Variants in ATP2B3 observed in about 807,000 individuals in gnomAD.
ATP2B3 encodes the protein ATPase plasma membrane Ca2+ transporting 3.
A neutral mutation model predicts 70.8 loss-of-function variants in ATP2B3; 12 were observed. That is an observed-to-expected ratio of 0.17 (90% CI 0.11 to 0.27). ATP2B3 has a LOEUF of 0.27. Ranked by LOEUF, ATP2B3 falls within the 10% of genes least tolerant of loss-of-function variation. The probability of loss-of-function intolerance (pLI) is 1.00; values close to 1 mark genes in which losing one functional copy is unlikely to be tolerated. For synonymous variants in ATP2B3, 460 were observed against 497.8 expected (o/e 0.92, Z 1.01); for missense variants, 858 against 1,118.5 (o/e 0.77, Z 3.32).
At chrX:153,554,603 C>T (rs879988100) in intron 13 of ATP2B3, among the ~76,000 whole-genome samples, 2 of 112,626 alleles carry the variant, frequency 1.8e-5, no homozygotes, top group Admixed American at 9.3e-5. Flanking sequence ...TCCTGGGTGC[C>T]GGCAACAGGC....
Position 153,571,792 on chromosome X carries a change from G to A in ATP2B3, c.3342+6689G>A, listed in dbSNP as rs188839621. On this transcript the variant is annotated intron_variant, in intron 21 of 21. Transcript: ENST00000263519. ...GCCAGAAGGAGGGCAGCTGTCCCTT[G>A]CACACTGTGTGCTCCAGCAGAAGGT... Among the ~76,000 whole-genome samples, 873 of 112,680 alleles carry A rather than the reference G, an allele frequency of 7.7e-3. 12 individuals carry two copies. Among genetic ancestry groups the A allele is most frequent in the Admixed American group, 0.047 (502 of 10,716 alleles).
At chrX:153,552,649 C>T (rs2090474007) in intron 12 of ATP2B3, among the ~76,000 whole-genome samples, 1 of 112,721 alleles carries the variant, frequency 8.9e-6, no homozygotes, top group Non-Finnish European at 1.9e-5. Flanking sequence ...CCCTCCCGGT[C>T]TCTCAGCCTG....
chrX:153,558,143 C>T lies in ATP2B3; in HGVS notation c.2465C>T (p.Ala822Val). The T allele has an allele frequency of 8.3e-7, 1 of 1,210,826 alleles. No homozygotes were observed. The highest frequency in any genetic ancestry group is 1.1e-6 in the Non-Finnish European group (1 of 895,120). ...GCAGGGACCGACGTGGCCAAGGAGG[C>T]CTCCGACATCATCCTGACCGATGAC... ...GIAGTDVAKE[A>V]SDIILTDDNF... The change falls in exon 17 of 22, where the codon GCC (alanine) becomes GTC (valine). Residue 822 changes from alanine (A) to valine (V), a missense_variant. Ala to Val is a moderately conservative substitution (Grantham distance 64). Transcript: ENST00000263519.
At chrX:153,578,481 G>A (rs2090883520) in intron 21 of ATP2B3, among the ~76,000 whole-genome samples, 1 of 113,022 alleles carries the variant, frequency 8.8e-6, no homozygotes, top group South Asian at 3.6e-4. Context: ...CTAGAAGCAG[G>A]AGGGGGCCCA....
rs782416017 is a variant in ATP2B3 at position 153,541,536 on chromosome X, C to T, written c.386C>T (p.Pro129Leu). Residue 129 changes from proline (P) to leucine (L), a missense_variant, in exon 4 of 22, where the codon CCG (proline) becomes CTG (leucine). Physicochemically the swap from Pro to Leu is moderately conservative, Grantham distance 98. This residue lies in a region of ATP2B3 where 278 missense variants were observed against 366.2 expected (regional missense o/e 0.76). Transcript: ENST00000263519. Reference protein sequence around the residue: ...IVSLGLSFYAPPGEESEACGN... With the variant: ...IVSLGLSFYALPGEESEACGN... ...TCTCTGGGCCTCTCGTTCTATGCGC[C>T]GCCAGGAGAGGAGAGTGAAGGTAAG... 1.7e-6 allele frequency: 2 copies of T among 1,211,246 alleles called. No homozygotes were observed. The highest frequency in any genetic ancestry group is 3.0e-5 in the East Asian group (1 of 33,809).
chrX:153,521,041 C>T (rs2089951983), intron 2 of ATP2B3, among the ~76,000 whole-genome samples: 2 of 113,203 alleles, frequency 1.8e-5, no homozygotes, highest in South Asian at 3.6e-4. Context: ...TGGCAGTGCA[C>T]GTAAATGGCA....
Position 153,580,289 on chromosome X carries a change from G to A in ATP2B3, c.3654G>A (p.Thr1218=), listed in dbSNP as rs781838815. ...SPGSPLHSVE[T]SL ...GGAGCCCGCTCCACAGCGTGGAGACGTCCCTCTAACAAGAACTTGTCTCAG... is the reference window on the plus strand; with the variant it reads ...GGAGCCCGCTCCACAGCGTGGAGACATCCCTCTAACAAGAACTTGTCTCAG... The change falls in exon 22 of 22, where the codon ACG becomes ACA. Residue 1218 remains threonine (T), a synonymous_variant. Coordinates refer to ENST00000263519, the MANE Select transcript of ATP2B3 (RefSeq NM_001001344.3). 1.9e-5 allele frequency: 23 copies of A among 1,204,147 alleles called. No individual in the cohort carries two copies. The highest frequency in any genetic ancestry group is 1.3e-4 in the Admixed American group (6 of 45,662).
At chrX:153,539,242 C>T (rs1415190202) in intron 3 of ATP2B3, among the ~76,000 whole-genome samples, 4 of 112,535 alleles carry the variant, frequency 3.6e-5, no homozygotes, top group Non-Finnish European at 7.5e-5. Context: ...CTCCCCACCA[C>T]CCAGGAGCTG....
At chrX:153,552,894 G>A (rs2090478355) in intron 12 of ATP2B3, 141 bp from the exon 13 acceptor site, 1 of 466,857 alleles carries the variant, frequency 2.1e-6, no homozygotes, top group Non-Finnish European at 3.7e-6. Context: ...CCTTCTCCCT[G>A]TGTGTCTGTG....
intron 19 of ATP2B3, 98 bp from the exon 20 acceptor site, chrX:153,562,037 G>A (rs1221500456): frequency 1.3e-6 from 1 of 787,607 alleles, no homozygotes. Context: ...TGCAACTGGG[G>A]GAACCAACCA....
chrX:153,525,746 G>A (rs1289340946), intron 2 of ATP2B3, among the ~76,000 whole-genome samples: 1 of 112,649 alleles, frequency 8.9e-6, no homozygotes, highest in Admixed American at 9.3e-5. Context: ...GGTAGGGCAC[G>A]TCTCCCACCT....
chrX:153,568,721 G>A (rs938574257), intron 21 of ATP2B3, among the ~76,000 whole-genome samples: 6 of 112,195 alleles, frequency 5.3e-5, no homozygotes, highest in African/African-American at 1.9e-4. Flanking sequence ...CATTTTGGCC[G>A]GTGCAGGGGG....
chrX:153,547,696 T>C, intron 8 of ATP2B3, 139 bp from the exon 9 acceptor site: 1 of 788,465 alleles, frequency 1.3e-6, no homozygotes, highest in Non-Finnish European at 1.7e-6. Context: ...GGGAAGCTGA[T>C]AGACTTGGAA....
chrX:153,532,346 G>A (rs1274010064), intron 2 of ATP2B3, among the ~76,000 whole-genome samples: 1 of 112,826 alleles, frequency 8.9e-6, no homozygotes, highest in Non-Finnish European at 1.9e-5. Flanking sequence ...GGACTAAGCT[G>A]GAGGTGCCAG....
chrX:153,576,345 G>A (rs1156448357), intron 21 of ATP2B3, among the ~76,000 whole-genome samples: 1 of 111,550 alleles, frequency 9.0e-6, no homozygotes, highest in African/African-American at 3.3e-5. Context: ...TGTGGAAGAT[G>A]CTTTTGAGTT....
chrX:153,550,235 A>T lies in ATP2B3; in HGVS notation c.1772A>T (p.Asp591Val). 4.1e-6 allele frequency: 5 copies of T among 1,212,398 alleles called. No individual in the cohort carries two copies. Among genetic ancestry groups the T allele is most frequent in the Non-Finnish European group, 5.6e-6 (5 of 895,595 alleles). ...KSMSTVIRMPDGGFRLFSKGA... is the reference protein window; with the variant it reads ...KSMSTVIRMPVGGFRLFSKGA... Reference sequence around the variant, plus strand: ...ATGAGCACAGTCATCCGCATGCCCGACGGTGGCTTCCGCCTCTTCAGCAAG... The same window carrying T: ...ATGAGCACAGTCATCCGCATGCCCGTCGGTGGCTTCCGCCTCTTCAGCAAG... The change falls in exon 12 of 22, where the codon GAC (aspartate) becomes GTC (valine). Residue 591 changes from aspartate (D) to valine (V), a missense_variant. Physicochemically the swap from Asp to Val is radical, Grantham distance 152. Coordinates refer to ENST00000263519, the MANE Select transcript of ATP2B3 (RefSeq NM_001001344.3).
At chrX:153,571,003 T>TACACACACACACAC (rs879951205) in intron 21 of ATP2B3, among the ~76,000 whole-genome samples, 17 of 87,626 alleles carry the variant, frequency 1.9e-4, no homozygotes, top group Middle Eastern at 5.8e-3. Context: ...CGTGCGCGCG[T>TACACACACACACAC]ACACACACAC....
chrX:153,575,031 C>CT (rs1243499210), intron 21 of ATP2B3: 4 of 241,404 alleles, frequency 1.7e-5, no homozygotes, highest in South Asian at 1.3e-4. Flanking sequence ...GACAGCCTCT[C>CT]TAAGGATGCG....
At chrX:153,568,296 C>T (rs1557018856) in intron 21 of ATP2B3, among the ~76,000 whole-genome samples, 1 of 111,823 alleles carries the variant, frequency 8.9e-6, no homozygotes, top group East Asian at 2.8e-4. Context: ...CTGGGCCTTG[C>T]TCCCGGCTCA....
Sources: allele counts gnomAD v4.1 joint callset (sites outside exome capture counted in the v4.1 genomes callset), GRCh38; gene constraint gnomAD v4.1.1; regional missense constraint gnomAD v4.1.1; transcripts MANE v1.5; gene names NCBI Gene and HGNC (gene_info 2026-07-23, HGNC 2026-07-21).